EYS: variants seen among roughly 807,000 people sequenced by gnomAD.
EYS encodes the protein EGF-like photoreceptor maintenance factor.
Under a neutral mutation model 282.1 loss-of-function variants are expected in EYS, and 250 were observed. That is an observed-to-expected ratio of 0.89 (90% CI 0.80 to 0.98). The LOEUF (loss-of-function observed/expected upper bound fraction) is 0.98. EYS is among the 50% of genes least tolerant of loss of function. The probability of loss-of-function intolerance (pLI) is 0.00; values close to 1 mark genes in which losing one functional copy is unlikely to be tolerated. For synonymous variants in EYS, 1,355 were observed against 1,282.9 expected (o/e 1.06, Z -1.20); for missense variants, 4,016 against 3,709.0 (o/e 1.08, Z -2.15).
intron 26 of EYS, among the ~76,000 whole-genome samples, chr6:64,485,449 GTATT>G (rs1776552581): frequency 6.6e-6 from 1 of 151,508 alleles, no homozygotes; most frequent in South Asian, 2.1e-4. Flanking sequence ...GACTGACTAT[GTATT>G]TATTTATGTT....
chr6:65,470,300 G>A (rs990809572), intron 5 of EYS, among the ~76,000 whole-genome samples: 6 of 151,984 alleles, frequency 3.9e-5, no homozygotes, highest in Non-Finnish European at 7.4e-5. Flanking sequence ...GAAGTAAAGT[G>A]GCAAATACTA....
At chr6:65,041,000 G>A (rs551959197) in intron 13 of EYS, among the ~76,000 whole-genome samples, 1 of 151,652 alleles carries the variant, frequency 6.6e-6, no homozygotes, top group South Asian at 2.1e-4. Flanking sequence ...GATTAAGTCT[G>A]GATGTAGATT....
At position 64,335,729 on chromosome 6, in the gene EYS, G is replaced by A. The variant is rs6937006; in HGVS notation, c.6079-28647C>T. Among the ~76,000 whole-genome samples the A allele has an allele frequency of 3.4e-3, 522 of 152,188 alleles. 4 individuals are homozygous for A. Among genetic ancestry groups the A allele is most frequent in the African/African-American group, 0.011 (477 of 41,550 alleles). On this transcript the variant is annotated intron_variant, in intron 29 of 42. Coordinates refer to ENST00000503581, the MANE Select transcript of EYS (RefSeq NM_001142800.2). The stretch of plus-strand genomic sequence containing the variant: ...GAATCTTAAGAGCTGTGAGACAAAA[G>A]CACCAGGTGACCTATAAAGGAAAAC...
chr6:64,062,556 G>A (rs929449816), intron 33 of EYS, among the ~76,000 whole-genome samples: 7 of 152,040 alleles, frequency 4.6e-5, no homozygotes, highest in Non-Finnish European at 7.4e-5. Flanking sequence ...GCCAGGCGTG[G>A]TGGTGGGCAC....
At chr6:64,967,549 C>T (rs1770141555) in intron 14 of EYS, among the ~76,000 whole-genome samples, 2 of 152,074 alleles carry the variant, frequency 1.3e-5, no homozygotes, top group African/African-American at 2.4e-5. Context: ...AAGTCCCGAC[C>T]TCAGGTGATC....
chr6:65,549,938 T>C (rs2351263), intron 2 of EYS, among the ~76,000 whole-genome samples: 83,556 of 151,944 alleles, frequency 0.55, 23,009 homozygotes, highest in East Asian at 0.71. Context: ...GCAGGGAGCA[T>C]TGGGCTCTGG....
chr6:65,563,930 G>A lies in EYS; in HGVS notation c.-332-67937C>T, dbSNP rs550957306. The stretch of plus-strand genomic sequence containing the variant: ...TAAGCTTATGAGCAACTTCAGCAAA[G>A]TGTCAAGGTACAAAATCAATGTGCA... On this transcript the variant is annotated intron_variant, in intron 2 of 42. Coordinates refer to ENST00000503581, the MANE Select transcript of EYS (RefSeq NM_001142800.2). Among the ~76,000 whole-genome samples, 31 of 152,232 alleles carry A rather than the reference G, an allele frequency of 2.0e-4. No homozygotes were observed. The East Asian group carries it at 5.0e-3, about 25-fold the overall frequency.
chr6:65,630,531 A>T (rs1275045862), intron 2 of EYS, among the ~76,000 whole-genome samples: 2 of 152,232 alleles, frequency 1.3e-5, no homozygotes, highest in Admixed American at 6.5e-5. Context: ...AAAATTTCAA[A>T]AACTCAACAG....
intron 31 of EYS, among the ~76,000 whole-genome samples, chr6:64,203,307 G>A (rs997498568): frequency 2.0e-5 from 3 of 152,184 alleles, no homozygotes; most frequent in South Asian, 2.1e-4. Context: ...CCAAGTGGTG[G>A]GCAAGCCTTG....
intron 22 of EYS, among the ~76,000 whole-genome samples, chr6:64,703,429 A>ATATATATTTTTTTTTTTTT (rs869208549): frequency 8.6e-5 from 2 of 23,362 alleles, no homozygotes; most frequent in African/African-American, 1.9e-4. Context: ...ATATATATAT[A>ATATATATTTTTTTTTTTTT]TTTTTTTTTT....
intron 12 of EYS, among the ~76,000 whole-genome samples, chr6:65,264,729 C>A (rs907420967): frequency 3.3e-5 from 5 of 151,936 alleles, no homozygotes; most frequent in Non-Finnish European, 5.9e-5. Flanking sequence ...TTAAAGGTAT[C>A]ATATTGATAA....
At chr6:64,988,078 G>T (rs571766107) in intron 14 of EYS, among the ~76,000 whole-genome samples, 1 of 151,162 alleles carries the variant, frequency 6.6e-6, no homozygotes, top group East Asian at 2.0e-4. Flanking sequence ...TTTTGGTCTT[G>T]GTCTTTTAAG....
At chr6:65,411,082 A>G (rs1398701396) in intron 5 of EYS, among the ~76,000 whole-genome samples, 1 of 152,042 alleles carries the variant, frequency 6.6e-6, no homozygotes, top group Non-Finnish European at 1.5e-5. Flanking sequence ...TAATAATTCC[A>G]TGCTCTTTTC....
intron 2 of EYS, among the ~76,000 whole-genome samples, chr6:65,526,298 C>T (rs1457203257): frequency 6.6e-6 from 1 of 152,006 alleles, no homozygotes; most frequent in Non-Finnish European, 1.5e-5. Context: ...AAAATCAAAC[C>T]ACGGCAGGTG....
At chr6:64,151,422 G>A (rs1219461245) in intron 31 of EYS, among the ~76,000 whole-genome samples, 4 of 145,620 alleles carry the variant, frequency 2.7e-5, no homozygotes, top group African/African-American at 7.7e-5. Flanking sequence ...GTGCAATGGT[G>A]CCATCTTGGC....
At chr6:65,360,717 A>T (rs1764669669) in intron 8 of EYS, among the ~76,000 whole-genome samples, 1 of 152,126 alleles carries the variant, frequency 6.6e-6, no homozygotes, top group African/African-American at 2.4e-5. Context: ...AAGAGACAAA[A>T]AGTTTAAATT....
chr6:64,029,222 C>T (rs147734685), intron 33 of EYS, among the ~76,000 whole-genome samples: 1,920 of 152,198 alleles, frequency 0.013, 49 homozygotes, highest in African/African-American at 0.043. Flanking sequence ...CAGAGAGAGC[C>T]GGGATAGCTC....
chr6:64,816,590 A>G (rs75493882), intron 21 of EYS, among the ~76,000 whole-genome samples: 4,950 of 152,200 alleles, frequency 0.033, 99 homozygotes, highest in East Asian at 0.064. Context: ...CAAATAATGG[A>G]ATAGCTAGAG....
intron 12 of EYS, among the ~76,000 whole-genome samples, chr6:65,086,124 T>G (rs1383558910): frequency 6.6e-6 from 1 of 151,782 alleles, no homozygotes; most frequent in Non-Finnish European, 1.5e-5. Context: ...AAAAGAAGAC[T>G]ACAGTACATG....
Sources: gnomAD v4.1 joint callset for allele counts (sites outside exome capture counted in the v4.1 genomes callset) on GRCh38, gnomAD v4.1.1 for gene constraint, MANE v1.5 for transcripts, NCBI Gene and HGNC (gene_info 2026-07-23, HGNC 2026-07-21) for gene names.